Variants in ATP6V0D1 observed in about 807,000 individuals in gnomAD.
ATP6V0D1 encodes the protein ATPase H+ transporting V0 subunit d1.
ATP6V0D1 carries 13 observed loss-of-function variants against 39.0 expected under a neutral mutation model. The observed-to-expected ratio is 0.33, with a 90% CI of 0.22 to 0.53. The LOEUF (loss-of-function observed/expected upper bound fraction) is 0.53, where lower values mean the gene tolerates loss of function less well. ATP6V0D1 is among the 20% of genes least tolerant of loss of function. ATP6V0D1 has a pLI of 0.94. For synonymous variants in ATP6V0D1, 191 were observed against 191.2 expected, an observed-to-expected ratio of 1.00 and a Z score of 0.01; for missense variants, 272 against 470.9, an observed-to-expected ratio of 0.58 and a Z score of 3.91.
At chr16:67,465,799 C>T (rs552832897) in intron 1 of ATP6V0D1, among the ~76,000 whole-genome samples, 9 of 152,268 alleles carry the variant, frequency 5.9e-5, no homozygotes, top group African/African-American at 1.9e-4. Flanking sequence ...AAGCGACAAG[C>T]CCTACCTCAT....
intron 1 of ATP6V0D1, among the ~76,000 whole-genome samples, chr16:67,460,754 T>C (rs1334331150): frequency 6.6e-6 from 1 of 152,100 alleles, no homozygotes; most frequent in Non-Finnish European, 1.5e-5. Context: ...CCCTGGCCAG[T>C]GCAGGCCCAC....
At chr16:67,465,314 C>A (rs974855166) in intron 1 of ATP6V0D1, among the ~76,000 whole-genome samples, 1 of 152,194 alleles carries the variant, frequency 6.6e-6, no homozygotes, top group East Asian at 1.9e-4. Flanking sequence ...CCCGGAGTCA[C>A]CCTGCATATA....
intron 1 of ATP6V0D1, among the ~76,000 whole-genome samples, chr16:67,476,484 T>C (rs1037446203): frequency 2.6e-5 from 4 of 152,346 alleles, no homozygotes; most frequent in Middle Eastern, 3.4e-3. Context: ...CTCTTTATTT[T>C]GAAACCTGGT....
rs891851247 is a variant in ATP6V0D1, at chr16:67,439,251, C to T, written c.639+23G>A. On this transcript the variant is annotated intron_variant, in intron 5 of 7. Transcript: ENST00000290949. ...GCCAGGGCTAGCGGGCACCAGCAGG[C>T]AGGAGGGCGGGCAGGCACTCACCTC... 5 of 1,614,092 alleles carry T rather than the reference C, an allele frequency of 3.1e-6. No homozygotes were observed. In the Admixed American group the frequency reaches 6.7e-5, roughly 22 times the overall value.
intron 7 of ATP6V0D1, 38 bp from the exon 8 acceptor site, chr16:67,438,727 G>A (rs780797657): frequency 6.2e-7 from 1 of 1,614,180 alleles, no homozygotes; most frequent in African/African-American, 1.3e-5. Flanking sequence ...AGGTGGCCAT[G>A]GCCACAGAGT....
Position 67,444,378 on chromosome 16 carries a change from G to A in ATP6V0D1, c.481+150C>T. ...GGGGTGAAGTGAGGAGAGAATCGGA[G>A]GAGGAAGTTGAAGGGAGACAAAGGT... On this transcript the variant is annotated intron_variant, in intron 3 of 7. Coordinates refer to ENST00000290949, the MANE Select transcript of ATP6V0D1 (RefSeq NM_004691.5). The surrounding 1 kb of genome is among the most constrained non-coding windows in gnomAD (Gnocchi z 4.8). 1.2e-6 allele frequency: 1 copy of A among 808,148 alleles called. No homozygotes were observed. Among genetic ancestry groups the A allele is most frequent in the South Asian group, 1.9e-5 (1 of 52,014 alleles). 50.1% of individuals were successfully genotyped at this position (808,148 alleles called of 1,614,324 possible).
chr16:67,476,724 T>C (rs1177299891), intron 1 of ATP6V0D1, among the ~76,000 whole-genome samples: 3 of 152,136 alleles, frequency 2.0e-5, no homozygotes, highest in Admixed American at 1.3e-4. Flanking sequence ...AACTAGGTAT[T>C]ATGTGCCTCC....
In ATP6V0D1 at chr16:67,453,526, G is replaced by A. The variant is rs756938436; in HGVS notation, c.302+18C>T. The stretch of plus-strand genomic sequence containing the variant: ...TCCTGCCCAGGTAAGAGAAGAAGGC[G>A]CTACAAAGCACACTCACGTAATGAA... On this transcript the variant is annotated intron_variant, in intron 2 of 7. Coordinates refer to ENST00000290949, the MANE Select transcript of ATP6V0D1 (RefSeq NM_004691.5). This position sits in a 1 kb window ranked among gnomAD's most constrained non-coding sequence, Gnocchi z 4.1. 1.9e-5 allele frequency: 31 copies of A among 1,612,894 alleles called. No individual in the cohort carries two copies. The highest frequency in any genetic ancestry group is 4.5e-5 in the East Asian group (2 of 44,852).
At chr16:67,478,214 G>A (rs2041432308) in intron 1 of ATP6V0D1, among the ~76,000 whole-genome samples, 1 of 152,164 alleles carries the variant, frequency 6.6e-6, no homozygotes. Context: ...TCCAGTAATT[G>A]GCAGGATTGG....
At chr16:67,469,264 C>A (rs921143313) in intron 1 of ATP6V0D1, among the ~76,000 whole-genome samples, 2 of 152,048 alleles carry the variant, frequency 1.3e-5, no homozygotes, top group African/African-American at 4.8e-5. Flanking sequence ...GCCGAGATTG[C>A]GCCATTGCAC....
At chr16:67,439,513 A>G (rs2041022205) in intron 4 of ATP6V0D1, 162 bp from the exon 5 acceptor site, 1 of 660,188 alleles carries the variant, frequency 1.5e-6, no homozygotes, top group African/African-American at 1.8e-5. Context: ...AAAGCCAATG[A>G]AACACTTCTG....
chr16:67,456,978 C>T lies in ATP6V0D1; in HGVS notation c.131-3263G>A, dbSNP rs2041244025. ...TCATGAGCTCTCAAGCAGCATGAAA[C>T]TTCCTCTGCTCCAGCCTCCCACTTT... On this transcript the variant is annotated intron_variant, in intron 1 of 7. Transcript: ENST00000290949. The surrounding 1 kb of genome is among the most constrained non-coding windows in gnomAD (Gnocchi z 4.1). 6.6e-6 allele frequency: 1 copy of T among 152,634 alleles called. No individual in the cohort carries two copies. Among genetic ancestry groups the T allele is most frequent in the Admixed American group, 6.5e-5 (1 of 15,310 alleles). 9.5% of individuals were successfully genotyped at this position (152,634 alleles called of 1,614,324 possible).
chr16:67,449,833 T>C (rs1481083796), intron 2 of ATP6V0D1, among the ~76,000 whole-genome samples: 1 of 152,254 alleles, frequency 6.6e-6, no homozygotes, highest in Non-Finnish European at 1.5e-5. Flanking sequence ...GTACTGGTTA[T>C]GTGTGCGGCT....
At chr16:67,440,632 C>G (rs2041038931) in intron 4 of ATP6V0D1, 1 of 152,262 alleles carries the variant, frequency 6.6e-6, no homozygotes, top group Admixed American at 6.5e-5. Context: ...TTTCCACCAA[C>G]CATCAGCCAA....
chr16:67,471,000 G>A (rs2041368429), intron 1 of ATP6V0D1, among the ~76,000 whole-genome samples: 1 of 152,174 alleles, frequency 6.6e-6, no homozygotes, highest in African/African-American at 2.4e-5. Context: ...GCTAGCAAGT[G>A]TCCTGCTTCT....
At chr16:67,466,926 C>G (rs566831715) in intron 1 of ATP6V0D1, among the ~76,000 whole-genome samples, 2 of 152,138 alleles carry the variant, frequency 1.3e-5, no homozygotes, top group Non-Finnish European at 2.9e-5. Flanking sequence ...GAAGACAAAG[C>G]CTTCAGAGGG....
rs781092344 is a variant in ATP6V0D1, at chr16:67,480,823, C to T, written c.130+134G>A. On this transcript the variant is annotated intron_variant, in intron 1 of 7. Coordinates refer to ENST00000290949, the MANE Select transcript of ATP6V0D1 (RefSeq NM_004691.5). ...GAGGTAGATCCCGCTCCTGCGCGTC[C>T]GCTATCAGCCCCAGGATTCCCAGAG... 3.3e-5 allele frequency: 43 copies of T among 1,309,420 alleles called. 1 individual carries two copies. Among genetic ancestry groups the T allele is most frequent in the Non-Finnish European group, 4.2e-5 (41 of 965,318 alleles). 81.1% of individuals were successfully genotyped at this position (1,309,420 alleles called of 1,614,324 possible).
At chr16:67,439,409 G>A in intron 4 of ATP6V0D1, 58 bp from the exon 5 acceptor site, 8 of 1,527,976 alleles carry the variant, frequency 5.2e-6, no homozygotes, top group Non-Finnish European at 7.2e-6. Flanking sequence ...GGGCTTGCTA[G>A]GCACAAGCCC....
intron 2 of ATP6V0D1, chr16:67,452,539 G>A: frequency 1.3e-6 from 1 of 772,532 alleles, no homozygotes. Flanking sequence ...CCATAATCAA[G>A]GAATGGTAAA....
Sources: gnomAD v4.1 joint callset for allele counts (sites outside exome capture counted in the v4.1 genomes callset) on GRCh38, gnomAD v4.1.1 for gene constraint, Gnocchi (gnomAD v3.1) non-coding constraint, MANE v1.5 for transcripts, NCBI Gene and HGNC (gene_info 2026-07-23, HGNC 2026-07-21) for gene names.